The following FBXO36 variants were observed in gnomAD, a reference collection of about 807,000 sequenced individuals.
FBXO36 encodes F-box only protein 36.
Under a neutral mutation model 17.0 loss-of-function variants are expected in FBXO36, and 18 were observed. That is an observed-to-expected ratio of 1.06 (90% CI 0.73 to 1.57). The LOEUF (loss-of-function observed/expected upper bound fraction) is 1.57. Ranked by LOEUF, FBXO36 falls within the 40% of genes most tolerant of loss-of-function variation. The pLI, the probability that FBXO36 is intolerant of heterozygous loss-of-function variation, is 0.00. For synonymous variants in FBXO36, 83 were observed against 85.3 expected (o/e 0.97, Z 0.15); for missense variants, 229 against 221.9 (o/e 1.03, Z -0.20).
chr2:229,972,242 C>A (rs1435461629), intron 1 of FBXO36, among the ~76,000 whole-genome samples: 3 of 152,062 alleles, frequency 2.0e-5, no homozygotes, highest in Non-Finnish European at 4.4e-5. Context: ...AGGTGATCTG[C>A]CCGCCTTGGC....
At chr2:229,972,859 C>T (rs2077187798) in intron 1 of FBXO36, among the ~76,000 whole-genome samples, 8 of 151,236 alleles carry the variant, frequency 5.3e-5, no homozygotes, top group Admixed American at 3.3e-4. Context: ...GTCAGCAGTT[C>T]GAGACCAGCC....
Position 229,996,787 on chromosome 2 carries a change from A to T in FBXO36, c.242A>T (p.Asp81Val). The change falls in exon 3 of 4, where the codon GAC becomes GTC. Residue 81 changes from aspartate (D) to valine (V), a missense_variant. Transcript: ENST00000283946. ...TTAATATTTGGTGCAAGAATATTAG[A>T]CTATGTCATCAATTTGTGCAAAGGT... ...TALIFGARIL[D>V]YVINLCKGKF... The T allele has an allele frequency of 3.1e-6, 5 of 1,613,128 alleles. No individual in the cohort carries two copies. Among genetic ancestry groups the T allele is most frequent in the Non-Finnish European group, 3.4e-6 (4 of 1,179,998 alleles).
intron 1 of FBXO36, among the ~76,000 whole-genome samples, chr2:229,927,266 C>T (rs897335345): frequency 3.9e-5 from 6 of 152,184 alleles, no homozygotes; most frequent in Admixed American, 2.0e-4. Context: ...TGTAAAAACA[C>T]TTTAATGACT....
At chr2:229,975,668 G>A (rs191463247) in intron 1 of FBXO36, among the ~76,000 whole-genome samples, 324 of 151,888 alleles carry the variant, frequency 2.1e-3, no homozygotes, top group African/African-American at 7.6e-3. Context: ...TAGAGACAGG[G>A]TCTCACTATG....
chr2:229,959,733 C>G (rs2077110965), intron 1 of FBXO36, among the ~76,000 whole-genome samples: 1 of 151,820 alleles, frequency 6.6e-6, no homozygotes, highest in South Asian at 2.1e-4. Flanking sequence ...GTAGTCCCAG[C>G]TACTCAGGAG....
chr2:229,967,334 T>A (rs1171872760), intron 1 of FBXO36, among the ~76,000 whole-genome samples: 1 of 152,206 alleles, frequency 6.6e-6, no homozygotes, highest in Non-Finnish European at 1.5e-5. Context: ...CAGGGACAAT[T>A]TGACTTCCTC....
At chr2:229,942,517 G>A (rs1250159758) in intron 1 of FBXO36, among the ~76,000 whole-genome samples, 2 of 152,134 alleles carry the variant, frequency 1.3e-5, no homozygotes, top group African/African-American at 4.8e-5. Context: ...AGAAGTCATG[G>A]CTGCTGAGCC....
intron 1 of FBXO36, among the ~76,000 whole-genome samples, chr2:229,968,594 A>G (rs1297201981): frequency 1.3e-5 from 2 of 152,030 alleles, no homozygotes; most frequent in Non-Finnish European, 1.5e-5. Flanking sequence ...CAGCCCCACT[A>G]CAAGCTGGGA....
In FBXO36 at chr2:229,958,748, T is replaced by G. The variant is rs190421272; in HGVS notation, c.97-17493T>G. On this transcript the variant is annotated intron_variant, in intron 1 of 3. Coordinates refer to ENST00000283946, the MANE Select transcript of FBXO36 (RefSeq NM_174899.5). ...CCCGCTGCAAGAGTGGATCTGAGCT[T>G]CTTCCCATAAAGCTTAGGGAACTAT... Among the ~76,000 whole-genome samples, 7 of 152,306 alleles carry G rather than the reference T, an allele frequency of 4.6e-5. No individual in the cohort carries two copies. In the East Asian group the frequency reaches 1.3e-3, roughly 29 times the overall value.
At chr2:229,966,973 G>T (rs1577345922) in intron 1 of FBXO36, among the ~76,000 whole-genome samples, 1 of 152,186 alleles carries the variant, frequency 6.6e-6, no homozygotes. Context: ...ACCTTGGGCA[G>T]TATGGCCATT....
intron 3 of FBXO36, among the ~76,000 whole-genome samples, chr2:229,999,048 C>T (rs1343805234): frequency 3.3e-5 from 5 of 151,502 alleles, no homozygotes; most frequent in South Asian, 2.1e-4. Flanking sequence ...GTGATCTGCC[C>T]GCCTCAGCCT....
At chr2:229,961,066 G>A (rs964288957) in intron 1 of FBXO36, among the ~76,000 whole-genome samples, 3 of 151,444 alleles carry the variant, frequency 2.0e-5, no homozygotes, top group Non-Finnish European at 2.9e-5. Context: ...CGAGATCACC[G>A]CCATTGCCCT....
chr2:229,935,580 T>C (rs568149337), intron 1 of FBXO36, among the ~76,000 whole-genome samples: 2 of 152,218 alleles, frequency 1.3e-5, no homozygotes, highest in South Asian at 4.1e-4. Flanking sequence ...CACATAGTAA[T>C]TTTCAATGCT....
rs1297542146 is a variant in FBXO36, at chr2:230,003,159, A to C, written c.378+6236A>C. Reference sequence around the variant, plus strand: ...CAGGAGGCGGAGATTGCAGTGACCCAAGATCGGGCCACCGCACTTTACCCC... The same window carrying C: ...CAGGAGGCGGAGATTGCAGTGACCCCAGATCGGGCCACCGCACTTTACCCC... On this transcript the variant is annotated intron_variant, in intron 3 of 3. Transcript: ENST00000283946. 8.1e-5 allele frequency among the ~76,000 whole-genome samples: 12 copies of C among 148,904 alleles called. No individual in the cohort carries two copies. In the Admixed American group the frequency reaches 8.2e-4, roughly 10 times the overall value.
chr2:229,963,353 C>T (rs1350783828), intron 1 of FBXO36, among the ~76,000 whole-genome samples: 1 of 151,866 alleles, frequency 6.6e-6, no homozygotes, highest in Non-Finnish European at 1.5e-5. Flanking sequence ...TGTGAGCGAC[C>T]GTGCCCGGCC....
intron 1 of FBXO36, among the ~76,000 whole-genome samples, chr2:229,929,225 C>T (rs1288130139): frequency 3.9e-5 from 6 of 152,022 alleles, no homozygotes; most frequent in Admixed American, 1.3e-4. Context: ...TGAGCCACTG[C>T]ACCCGGCCTC....
intron 1 of FBXO36, among the ~76,000 whole-genome samples, chr2:229,950,374 C>T (rs1471274285): frequency 2.0e-5 from 3 of 151,942 alleles, no homozygotes; most frequent in Non-Finnish European, 4.4e-5. Flanking sequence ...TGCAGTGAGC[C>T]GAGATCACTC....
intron 1 of FBXO36, among the ~76,000 whole-genome samples, chr2:229,959,626 A>G (rs2077110341): frequency 6.6e-6 from 1 of 152,098 alleles, no homozygotes; most frequent in Admixed American, 6.6e-5. Flanking sequence ...CGGGTGGATC[A>G]TGAGGTCAGG....
intron 1 of FBXO36, among the ~76,000 whole-genome samples, chr2:229,951,024 C>G (rs1477319609): frequency 1.3e-5 from 2 of 152,124 alleles, no homozygotes; most frequent in Non-Finnish European, 2.9e-5. Flanking sequence ...ACCTCCGCCT[C>G]CTGGGTTCAA....
Sources: allele counts gnomAD v4.1 joint callset (sites outside exome capture counted in the v4.1 genomes callset), GRCh38; gene constraint gnomAD v4.1.1; transcripts MANE v1.5; gene names NCBI Gene and HGNC (gene_info 2026-07-23, HGNC 2026-07-21).